PPIP5K1: variants seen among roughly 807,000 people sequenced by gnomAD.
PPIP5K1 encodes inositol hexakisphosphate and diphosphoinositol-pentakisphosphate kinase 1.
Under a neutral mutation model 27.7 loss-of-function variants are expected in PPIP5K1, and 6 were observed. The ratio of observed to expected loss-of-function variants is 0.22; its 90% CI spans 0.12 to 0.43. The LOEUF (loss-of-function observed/expected upper bound fraction) is 0.43. PPIP5K1 is among the 20% of genes least tolerant of loss of function. The pLI is 1.00. For missense variants in PPIP5K1, 394 were observed against 635.4 expected (o/e 0.62, Z 4.08); for synonymous variants, 145 against 242.6 (o/e 0.60, Z 3.74).
intron 30 of PPIP5K1, among the ~76,000 whole-genome samples, chr15:43,556,304 G>A (rs1342649708): frequency 4.0e-5 from 6 of 151,534 alleles, no homozygotes; most frequent in African/African-American, 7.3e-5. Context: ...TGGCAACAGA[G>A]TGAGACTCCA....
chr15:43,539,002 G>T (rs1236221955), intron 31 of PPIP5K1, among the ~76,000 whole-genome samples: 2 of 152,036 alleles, frequency 1.3e-5, no homozygotes, highest in East Asian at 3.9e-4. Flanking sequence ...CCTGAGGTCG[G>T]GAGTTTGAGA....
Position 43,533,775 on chromosome 15 carries a change from C to G in PPIP5K1, c.*899G>C. On this transcript the variant is annotated 3_prime_UTR_variant, in exon 32 of 32. Transcript: ENST00000420765. ...CTCTGCTGATTGCTTAAAATAGAACCTGATTATCTCTACTACTACAGCATC... is the reference window on the plus strand; with the variant it reads ...CTCTGCTGATTGCTTAAAATAGAACGTGATTATCTCTACTACTACAGCATC... 1 of 151,962 alleles carries G rather than the reference C, an allele frequency of 6.6e-6. No individual in the cohort carries two copies. Among genetic ancestry groups the G allele is most frequent in the East Asian group, 1.9e-4 (1 of 5,192 alleles). The allele number at this position is 151,962 out of a possible 1,614,324, so 9.4% of individuals were successfully genotyped here.
chr15:43,546,990 T>C lies in PPIP5K1; in HGVS notation c.3557-7407A>G, dbSNP rs112766402. ...TAATTTTTTGAGGAACAAACTGTTT[T>C]CCACAGTAGCTGTACTATTTTATAC... On this transcript the variant is annotated intron_variant, in intron 30 of 31. Transcript: ENST00000420765. Among the ~76,000 whole-genome samples, 741 of 152,344 alleles carry C rather than the reference T, an allele frequency of 4.9e-3. 9 individuals are homozygous for C. The highest frequency in any genetic ancestry group is 0.017 in the African/African-American group (724 of 41,584).
Position 43,558,782 on chromosome 15 carries a change from A to G in PPIP5K1, c.3556+13T>C. 1 of 1,613,468 alleles carries G rather than the reference A, an allele frequency of 6.2e-7. No homozygotes were observed. Among genetic ancestry groups the G allele is most frequent in the Non-Finnish European group, 8.5e-7 (1 of 1,180,004 alleles). On this transcript the variant is annotated intron_variant, in intron 30 of 31. Coordinates refer to ENST00000420765, the MANE Select transcript of PPIP5K1 (RefSeq NM_001394395.1). ...GGGCAGAGAGAAGGGTAAAAAAATAAGAATATCCCTACCTGCAGATGCCTG... is the reference window on the plus strand; with the variant it reads ...GGGCAGAGAGAAGGGTAAAAAAATAGGAATATCCCTACCTGCAGATGCCTG...
intron 30 of PPIP5K1, among the ~76,000 whole-genome samples, chr15:43,548,247 C>A (rs1050085317): frequency 1.3e-5 from 2 of 151,644 alleles, no homozygotes; most frequent in African/African-American, 4.8e-5. Flanking sequence ...TACAGGCACC[C>A]GCCACTGTGC....
intron 30 of PPIP5K1, among the ~76,000 whole-genome samples, chr15:43,544,609 T>A (rs928644844): frequency 6.6e-6 from 1 of 151,986 alleles, no homozygotes; most frequent in Non-Finnish European, 1.5e-5. Context: ...GCCTGGGCAA[T>A]AAAGTGAGAC....
intron 30 of PPIP5K1, among the ~76,000 whole-genome samples, chr15:43,553,776 G>A (rs1381445438): frequency 6.6e-6 from 1 of 151,380 alleles, no homozygotes; most frequent in Admixed American, 6.6e-5. Context: ...TCCCGAGTAG[G>A]TGGGACTACA....
intron 30 of PPIP5K1, among the ~76,000 whole-genome samples, chr15:43,540,077 A>G (rs148390102): frequency 0.019 from 2,885 of 151,982 alleles, 87 homozygotes; most frequent in African/African-American, 0.066. Context: ...ACACAGCAAA[A>G]CCCCATTTCT....
intron 30 of PPIP5K1, among the ~76,000 whole-genome samples, chr15:43,546,654 ATTTTT>A (rs58966502): frequency 2.3e-4 from 24 of 106,546 alleles, no homozygotes; most frequent in Non-Finnish European, 4.3e-4. Flanking sequence ...CCTGTTTTCA[ATTTTT>A]TTTTTTTTTT....
chr15:43,579,383 T>TACACACACACACACAC (rs371291746), intron 10 of PPIP5K1, among the ~76,000 whole-genome samples: 29 of 84,306 alleles, frequency 3.4e-4, no homozygotes, highest in Non-Finnish European at 4.7e-4. Flanking sequence ...TTCGATTATA[T>TACACACACACACACAC]ACACACACAC....
At chr15:43,572,700 AG>A in intron 23 of PPIP5K1, 68 bp downstream of exon 23, 16 of 550,006 alleles carry the variant, frequency 2.9e-5, no homozygotes, top group East Asian at 6.6e-5. Flanking sequence ...AGGATAAGCA[AG>A]TTTTTTTTTT....
rs1216464524 is a variant in PPIP5K1 at position 43,549,044 on chromosome 15, AAAAAAAAAAAAAATATATAT to A, written c.3557-9481_3557-9462del. Among the ~76,000 whole-genome samples the A allele has an allele frequency of 1.4e-3, 134 of 92,522 alleles. 4 individuals carry two copies. The highest frequency in any genetic ancestry group is 8.1e-3 in the African/African-American group (109 of 13,500). The allele number at this position is 92,522 out of a possible 152,430, so 60.7% of individuals were successfully genotyped here. A position where few individuals can be genotyped will look rare whatever the true frequency, so the allele number is the denominator to read the frequency against. On this transcript the variant is annotated intron_variant, in intron 30 of 31. Coordinates refer to ENST00000420765, the MANE Select transcript of PPIP5K1 (RefSeq NM_001394395.1). ...CTCCATCTCAAAAAAAAAAAAAAAA[AAAAAAAAAAAAAATATATAT>A]ATATATATATATATATACATATATA...
intron 28 of PPIP5K1, 36 bp from the exon 29 acceptor site, chr15:43,560,631 AAGAT>A (rs2083688891): frequency 4.5e-6 from 2 of 446,204 alleles, no homozygotes; most frequent in Non-Finnish European, 8.3e-6. Flanking sequence ...AGGAAGCACA[AAGAT>A]AGAGAAAGAG....
In PPIP5K1 at chr15:43,550,339, T is replaced by C. The variant is rs550175689; in HGVS notation, c.3556+8456A>G. 9.2e-5 allele frequency among the ~76,000 whole-genome samples: 14 copies of C among 152,004 alleles called. No homozygotes were observed. The East Asian group carries it at 2.7e-3, about 29-fold the overall frequency. On this transcript the variant is annotated intron_variant, in intron 30 of 31. Transcript: ENST00000420765. ...ATTTATTTTTTTTGTAGAGAGAGTG[T>C]CTCCCTATGTTGTCCAGGCTTGTCT...
intron 30 of PPIP5K1, among the ~76,000 whole-genome samples, chr15:43,549,056 A>AAATAT (rs1567039538): frequency 1.8e-5 from 1 of 54,294 alleles, no homozygotes; most frequent in African/African-American, 1.3e-4. Context: ...AAAAAAAAAA[A>AAATAT]ATATATATAT....
At chr15:43,558,965 A>G in intron 29 of PPIP5K1, 33 bp from the exon 30 acceptor site, 1 of 1,609,922 alleles carries the variant, frequency 6.2e-7, no homozygotes, top group Non-Finnish European at 8.5e-7. Flanking sequence ...AGTCAATGTT[A>G]CTCCTGCCAG....
At chr15:43,549,258 T>C (rs1466806112) in intron 30 of PPIP5K1, among the ~76,000 whole-genome samples, 2 of 151,922 alleles carry the variant, frequency 1.3e-5, no homozygotes, top group East Asian at 1.9e-4. Flanking sequence ...GGTGTACAAA[T>C]CTTTCAACTT....
chr15:43,545,193 A>T (rs2081223858), intron 30 of PPIP5K1, among the ~76,000 whole-genome samples: 1 of 151,988 alleles, frequency 6.6e-6, no homozygotes. Flanking sequence ...AAAAAAAAAA[A>T]AAGTGGATTA....
chr15:43,557,310 G>A (rs998927147), intron 30 of PPIP5K1, among the ~76,000 whole-genome samples: 10 of 152,138 alleles, frequency 6.6e-5, no homozygotes, highest in Non-Finnish European at 1.3e-4. Context: ...AGCCAGGCAT[G>A]GTGGCTTGTC....
Sources: allele counts gnomAD v4.1 joint callset (sites outside exome capture counted in the v4.1 genomes callset), GRCh38; gene constraint gnomAD v4.1.1; transcripts MANE v1.5; gene names NCBI Gene and HGNC (gene_info 2026-07-23, HGNC 2026-07-21).